Variants in CFAP299 observed in about 807,000 individuals in gnomAD.
CFAP299 encodes the protein cilia and flagella associated protein 299, also known as cilia- and flagella-associated protein 299.
In CFAP299, 21 loss-of-function variants were observed where a neutral mutation model predicts 27.0. The observed-to-expected ratio is 0.78, with a 90% CI of 0.55 to 1.12. The LOEUF (loss-of-function observed/expected upper bound fraction) is 1.12, where lower values mean the gene tolerates loss of function less well. Among genes scored for constraint, CFAP299 ranks in the 50% most tolerant of loss-of-function variants. The pLI is 0.00. For missense variants in CFAP299, 310 were observed against 276.6 expected (o/e 1.12, Z -0.86); for synonymous variants, 104 against 98.1 (o/e 1.06, Z -0.36).
intron 4 of CFAP299, among the ~76,000 whole-genome samples, chr4:80,895,720 A>G (rs1734580167): frequency 6.6e-6 from 1 of 152,060 alleles, no homozygotes; most frequent in Admixed American, 6.6e-5. Context: ...CAGCCCATTC[A>G]TCTAAAGATT....
chr4:80,473,053 C>G (rs1730087327), intron 2 of CFAP299, among the ~76,000 whole-genome samples: 1 of 152,050 alleles, frequency 6.6e-6, no homozygotes, highest in Non-Finnish European at 1.5e-5. Context: ...CTCCTTCCCT[C>G]AAGGGGCTTA....
chr4:80,900,905 A>C (rs1025812817), intron 4 of CFAP299, among the ~76,000 whole-genome samples: 1 of 152,086 alleles, frequency 6.6e-6, no homozygotes, highest in African/African-American at 2.4e-5. Context: ...TCTGAGGATC[A>C]ATATGGTATT....
intron 2 of CFAP299, among the ~76,000 whole-genome samples, chr4:80,389,089 G>A (rs1273357858): frequency 6.6e-6 from 1 of 152,020 alleles, no homozygotes; most frequent in African/African-American, 2.4e-5. Flanking sequence ...ATTAAGTGTT[G>A]AAAGACATTT....
chr4:80,776,734 C>T (rs1486778619), intron 3 of CFAP299, among the ~76,000 whole-genome samples: 3 of 151,792 alleles, frequency 2.0e-5, no homozygotes, highest in African/African-American at 7.3e-5. Flanking sequence ...CACATGTATC[C>T]CGGAACTTAA....
intron 3 of CFAP299, among the ~76,000 whole-genome samples, chr4:80,689,491 C>T (rs533386177): frequency 6.6e-6 from 1 of 152,276 alleles, no homozygotes; most frequent in South Asian, 2.1e-4. Flanking sequence ...CAAGCAAATG[C>T]TGAGAGATTT....
chr4:80,780,286 G>A (rs1426184565), intron 3 of CFAP299, among the ~76,000 whole-genome samples: 1 of 151,988 alleles, frequency 6.6e-6, no homozygotes, highest in Non-Finnish European at 1.5e-5. Flanking sequence ...TTTAATAATA[G>A]TATGTTACTT....
intron 2 of CFAP299, among the ~76,000 whole-genome samples, chr4:80,432,686 C>T (rs1727881700): frequency 6.6e-6 from 1 of 151,906 alleles, no homozygotes; most frequent in Admixed American, 6.6e-5. Context: ...GCGCCCACCA[C>T]CACGCCTGGC....
intron 2 of CFAP299, among the ~76,000 whole-genome samples, chr4:80,394,487 A>G (rs1725668409): frequency 6.6e-6 from 1 of 151,590 alleles, no homozygotes. Flanking sequence ...CTTATCTAAG[A>G]ATTTATTGCT....
Position 80,963,720 on chromosome 4 carries a change from A to C in CFAP299, c.*108A>C. The C allele has an allele frequency of 1.6e-6, 1 of 631,654 alleles. No individual in the cohort carries two copies. The highest frequency in any genetic ancestry group is 2.7e-6 in the Non-Finnish European group (1 of 367,614). The allele number at this position is 631,654 out of a possible 1,614,324, so 39.1% of individuals were successfully genotyped here. On this transcript the variant is annotated 3_prime_UTR_variant, in exon 6 of 6. Coordinates refer to ENST00000358105, the MANE Select transcript of CFAP299 (RefSeq NM_152770.3). ...CTGTAGCTGGAAGGCAAATTAGAAC[A>C]ATAAAGTTAATAAAGAAGTTAGAAA... is the stretch of plus-strand genomic sequence containing the variant.
intron 3 of CFAP299, among the ~76,000 whole-genome samples, chr4:80,633,435 C>T (rs1739322126): frequency 6.6e-6 from 1 of 151,994 alleles, no homozygotes; most frequent in Admixed American, 6.6e-5. Context: ...GCCTGGGTGA[C>T]AGAGTAAGGC....
chr4:80,787,326 G>A (rs1358346261), intron 3 of CFAP299, among the ~76,000 whole-genome samples: 1 of 151,208 alleles, frequency 6.6e-6, no homozygotes, highest in African/African-American at 2.4e-5. Flanking sequence ...TGTTGTGTGT[G>A]TTTTACTTAG....
intron 5 of CFAP299, among the ~76,000 whole-genome samples, chr4:80,953,413 T>C (rs1409020002): frequency 2.0e-5 from 3 of 152,186 alleles, no homozygotes; most frequent in African/African-American, 7.2e-5. Context: ...TTTAAACATT[T>C]TCTCCTCTGG....
chr4:80,920,169 A>T (rs1244550697), intron 4 of CFAP299, among the ~76,000 whole-genome samples: 1 of 127,790 alleles, frequency 7.8e-6, no homozygotes, highest in Non-Finnish European at 1.5e-5. Flanking sequence ...CCTGAGAAAC[A>T]GTCATACTGA....
At chr4:80,435,710 G>A (rs1297722292) in intron 2 of CFAP299, among the ~76,000 whole-genome samples, 2 of 152,176 alleles carry the variant, frequency 1.3e-5, no homozygotes, top group African/African-American at 4.8e-5. Context: ...GCCTTACCAA[G>A]GGACTTACTC....
intron 1 of CFAP299, among the ~76,000 whole-genome samples, chr4:80,358,499 G>A (rs77847505): frequency 1.3e-5 from 2 of 152,030 alleles, no homozygotes; most frequent in Non-Finnish European, 2.9e-5. Flanking sequence ...AACTTGCTTT[G>A]TGAATCTGGG....
At chr4:80,619,326 G>T (rs1307763758) in intron 3 of CFAP299, among the ~76,000 whole-genome samples, 1 of 152,126 alleles carries the variant, frequency 6.6e-6, no homozygotes, top group Admixed American at 6.6e-5. Context: ...AGCACTGAAG[G>T]ACCTTCTCTT....
At chr4:80,707,835 G>T (rs1721912017) in intron 3 of CFAP299, among the ~76,000 whole-genome samples, 1 of 152,008 alleles carries the variant, frequency 6.6e-6, no homozygotes, top group Admixed American at 6.6e-5. Flanking sequence ...TGGGGTAAAT[G>T]AGTATTCCAT....
At chr4:80,594,442 G>A (rs1183421888) in intron 3 of CFAP299, among the ~76,000 whole-genome samples, 1 of 152,032 alleles carries the variant, frequency 6.6e-6, no homozygotes, top group Non-Finnish European at 1.5e-5. Flanking sequence ...ATGAGATTTG[G>A]GTGGGGACAC....
intron 3 of CFAP299, among the ~76,000 whole-genome samples, chr4:80,589,840 G>C (rs1293412666): frequency 6.6e-6 from 1 of 152,144 alleles, no homozygotes; most frequent in African/African-American, 2.4e-5. Flanking sequence ...GTTTGGTGAT[G>C]GCAGTAGAGT....
Sources: allele counts gnomAD v4.1 joint callset (sites outside exome capture counted in the v4.1 genomes callset), GRCh38; gene constraint gnomAD v4.1.1; transcripts MANE v1.5; gene names NCBI Gene and HGNC (gene_info 2026-07-23, HGNC 2026-07-21).